Variants in ITGB2 observed in about 807,000 individuals in gnomAD.
The protein encoded by ITGB2 is integrin beta-2.
A neutral mutation model predicts 86.8 loss-of-function variants in ITGB2; 56 were observed. That is an observed-to-expected ratio of 0.65 (90% CI 0.52 to 0.81). The LOEUF (loss-of-function observed/expected upper bound fraction) is 0.81. ITGB2 is among the 30% of genes least tolerant of loss of function. ITGB2 has a pLI of 0.00. For synonymous variants in ITGB2, 457 were observed against 450.4 expected (o/e 1.01, Z -0.19); for missense variants, 948 against 1,061.2 (o/e 0.89, Z 1.48).
chr21:44,909,305 TG>T (rs1399217128), intron 3 of ITGB2: 1 of 152,278 alleles, frequency 6.6e-6, no homozygotes, highest in African/African-American at 2.4e-5. Flanking sequence ...ACACCGTCAC[TG>T]AGGGGCTCCT....
intron 1 of ITGB2, chr21:44,911,178 C>T (rs570481865): frequency 2.9e-6 from 1 of 350,082 alleles, no homozygotes; most frequent in East Asian, 6.4e-5. Flanking sequence ...ATACATGCAT[C>T]ACACCACACA....
rs976487831 is a variant in ITGB2, at chr21:44,901,587, G to C, written c.646C>G (p.Gln216Glu). ...HVLKLTNNSN[Q>E]FQTEVGKQLI... ...TGCTTCCCGACCTCGGTCTGAAACT[G>C]GTTGGAGTTGTTGGTCAGCTTCAGC... The change falls in exon 6 of 16, where the codon CAG becomes GAG. Residue 216 changes from glutamine to glutamate, a missense_variant. Gln to Glu is a conservative substitution (Grantham distance 29). Transcript: ENST00000652462. The C allele has an allele frequency of 4.3e-6, 7 of 1,614,278 alleles. No homozygotes were observed. The highest frequency in any genetic ancestry group is 5.9e-6 in the Non-Finnish European group (7 of 1,180,050).
At chr21:44,904,480 AAC>A (rs1469953775) in intron 4 of ITGB2, among the ~76,000 whole-genome samples, 1 of 151,768 alleles carries the variant, frequency 6.6e-6, no homozygotes, top group Non-Finnish European at 1.5e-5. Context: ...ACACACAGCA[AAC>A]ACACCACAAA....
In ITGB2 at chr21:44,907,046, G is replaced by T. The variant is rs1406932531; in HGVS notation, c.197C>A (p.Pro66Gln). ...CGCACAGCCCCTCATGAGCAGCTGT[G>T]GCCGGGTGTCGCAGCGAATGGAGTC... ...DPDSIRCDTRPQLLMRGCAAD... is the reference protein window; with the variant it reads ...DPDSIRCDTRQQLLMRGCAAD... The change falls in exon 4 of 16, where the codon CCA becomes CAA. Residue 66 changes from proline to glutamine, a missense_variant. Physicochemically the swap from Pro to Gln is moderately conservative, Grantham distance 76. Coordinates refer to ENST00000652462, the MANE Select transcript of ITGB2 (RefSeq NM_000211.5). 1 of 1,612,552 alleles carries T rather than the reference G, an allele frequency of 6.2e-7. No homozygotes were observed. The highest frequency in any genetic ancestry group is 1.7e-5 in the Admixed American group (1 of 60,000).
chr21:44,888,303 C>T (rs1269923189), intron 14 of ITGB2, among the ~76,000 whole-genome samples: 1 of 152,048 alleles, frequency 6.6e-6, no homozygotes, highest in Non-Finnish European at 1.5e-5. Flanking sequence ...TCAAAGGAGC[C>T]TCACGCAGCA....
At chr21:44,911,211 C>T in intron 1 of ITGB2, 1 of 302,066 alleles carries the variant, frequency 3.3e-6, no homozygotes, top group South Asian at 3.2e-5. Context: ...GAGATGTATA[C>T]ACCCCTTACC....
chr21:44,908,731 G>A (rs950727714), intron 3 of ITGB2, among the ~76,000 whole-genome samples: 1 of 152,170 alleles, frequency 6.6e-6, no homozygotes, highest in Non-Finnish European at 1.5e-5. Flanking sequence ...CGGCTACAAC[G>A]GTGCTGGAGC....
At chr21:44,919,137 G>A (rs1028307120) in intron 1 of ITGB2, among the ~76,000 whole-genome samples, 23 of 152,284 alleles carry the variant, frequency 1.5e-4, no homozygotes, top group Non-Finnish European at 2.5e-4. Context: ...CTGCTTCACC[G>A]AGGGCCACAG....
At chr21:44,906,834 C>T in intron 4 of ITGB2, 81 bp downstream of exon 4, 1 of 1,489,106 alleles carries the variant, frequency 6.7e-7, no homozygotes, top group Non-Finnish European at 9.4e-7. Context: ...GCCCTGACAC[C>T]CCAGAGCAGG....
At chr21:44,910,885 G>A (rs2084121740) in intron 1 of ITGB2, 100 bp from the exon 2 acceptor site, 1 of 1,220,460 alleles carries the variant, frequency 8.2e-7, no homozygotes, top group Non-Finnish European at 1.2e-6. Flanking sequence ...AGGAGCTGGG[G>A]CCCTGTCCCT....
intron 1 of ITGB2, chr21:44,911,287 C>T: frequency 4.4e-6 from 1 of 227,728 alleles, no homozygotes; most frequent in Non-Finnish European, 8.9e-6. Flanking sequence ...CGTACACACA[C>T]ATACACACCA....
chr21:44,894,978 G>GCATT lies in ITGB2; in HGVS notation c.1072_1075dup (p.Ala359GlufsTer5), dbSNP rs1198638012. The GCATT allele has an allele frequency of 6.2e-7, 1 of 1,605,084 alleles. No homozygotes were observed. The highest frequency in any genetic ancestry group is 8.5e-7 in the Non-Finnish European group (1 of 1,171,896). On this transcript the variant is annotated frameshift_variant, in exon 9 of 16. Transcript: ENST00000652462. LOFTEE classifies it high-confidence loss of function. ...GTGGTGCGGGAGACTCACATTGTAA[G>GCATT]CATTCTTAATGAGATGGACCACATT... is the stretch of plus-strand genomic sequence containing the variant.
In ITGB2 at chr21:44,895,992, C is replaced by A. The variant is rs2838727; in HGVS notation, c.994-932G>T. Among the ~76,000 whole-genome samples, 262 of 151,940 alleles carry A rather than the reference C, an allele frequency of 1.7e-3. 1 individual carries two copies. Among genetic ancestry groups the A allele is most frequent in the African/African-American group, 6.0e-3 (250 of 41,330 alleles). On this transcript the variant is annotated intron_variant, in intron 8 of 15. Transcript: ENST00000652462. ...AGCTGCAGCATTGTCCAGGCCTGCC[C>A]GTGTGAGTCCTCCTGCCTGCGGTGT... is the stretch of plus-strand genomic sequence containing the variant.
At chr21:44,897,321 C>A (rs1403535957) in intron 8 of ITGB2, among the ~76,000 whole-genome samples, 2 of 152,212 alleles carry the variant, frequency 1.3e-5, no homozygotes, top group Admixed American at 6.5e-5. Context: ...TTCCCCAAAC[C>A]CCGAGTATGT....
At chr21:44,916,928 C>T (rs995354407) in intron 1 of ITGB2, among the ~76,000 whole-genome samples, 4 of 150,966 alleles carry the variant, frequency 2.6e-5, no homozygotes, top group Non-Finnish European at 5.9e-5. Flanking sequence ...CTAAAAATGG[C>T]ACATGTTGTA....
Position 44,915,798 on chromosome 21 carries a change from A to C in ITGB2, c.-3-5013T>G, listed in dbSNP as rs139739669. On this transcript the variant is annotated intron_variant, in intron 1 of 15. Coordinates refer to ENST00000652462, the MANE Select transcript of ITGB2 (RefSeq NM_000211.5). ...GAACAAGTCGGAGCAGAGAGGATGC[A>C]GGAAAACCCAGCCCATGTCGCCTCT... Among the ~76,000 whole-genome samples, 23 of 152,354 alleles carry C rather than the reference A, an allele frequency of 1.5e-4. No homozygotes were observed. The East Asian group carries it at 4.4e-3, about 29-fold the overall frequency.
intron 1 of ITGB2, among the ~76,000 whole-genome samples, chr21:44,917,801 G>A (rs2084233477): frequency 6.6e-6 from 1 of 152,132 alleles, no homozygotes; most frequent in South Asian, 2.1e-4. Flanking sequence ...CCCCAGCGAG[G>A]CTGTTTACAA....
In ITGB2 at chr21:44,889,542, C is replaced by T. The variant is rs139358707; in HGVS notation, c.1658-47G>A. On this transcript the variant is annotated intron_variant, in intron 12 of 15. Transcript: ENST00000652462. Reference sequence around the variant, plus strand: ...CTAAGCTCCTGCTTGGCCTGGGAACCGAGACCCGCCCGAAACCCCACTGCG... The same window carrying T: ...CTAAGCTCCTGCTTGGCCTGGGAACTGAGACCCGCCCGAAACCCCACTGCG... 342 of 1,505,992 alleles carry T rather than the reference C, an allele frequency of 2.3e-4. No individual in the cohort carries two copies. The African/African-American group carries it at 4.2e-3, about 18-fold the overall frequency. The allele number at this position is 1,505,992 out of a possible 1,614,324, so 93.3% of individuals were successfully genotyped here.
At position 44,889,975 on chromosome 21, in the gene ITGB2, C is replaced by T; in HGVS notation, c.1657+3G>A. The T allele has an allele frequency of 1.9e-6, 3 of 1,613,006 alleles. No homozygotes were observed. The highest frequency in any genetic ancestry group is 2.5e-6 in the Non-Finnish European group (3 of 1,179,998). On this transcript the variant is annotated splice_donor_region_variant and intron_variant, in intron 12 of 15. Coordinates refer to ENST00000652462, the MANE Select transcript of ITGB2 (RefSeq NM_000211.5). ...GTTGTCCAGCAGGGACCCACGGGCT[C>T]ACCCGGGCCGCCGCAGACCTGGCCG...
Sources: allele counts gnomAD v4.1 joint callset (sites outside exome capture counted in the v4.1 genomes callset), GRCh38; gene constraint gnomAD v4.1.1; transcripts MANE v1.5; gene names NCBI Gene and HGNC (gene_info 2026-07-23, HGNC 2026-07-21).